Variants in PSMD1 observed in about 807,000 individuals in gnomAD.
PSMD1 encodes the protein proteasome 26S subunit, non-ATPase 1.
PSMD1 carries 18 observed loss-of-function variants against 119.0 expected under a neutral mutation model. That is an observed-to-expected ratio of 0.15 (90% confidence interval 0.10 to 0.22). PSMD1 has a LOEUF of 0.22. Among genes scored for constraint, PSMD1 ranks in the 10% least tolerant of loss-of-function variants. The pLI is 1.00. For synonymous variants in PSMD1, 374 were observed against 396.6 expected, an observed-to-expected ratio of 0.94 and a Z score of 0.68; for missense variants, 702 against 1,158.5, an observed-to-expected ratio of 0.61 and a Z score of 5.72.
chr2:231,150,403 CACATATATAG>C (rs1253343250), intron 18 of PSMD1, among the ~76,000 whole-genome samples: 1 of 150,796 alleles, frequency 6.6e-6, no homozygotes, highest in African/African-American at 2.4e-5. Context: ...GATATATATA[CACATATATAG>C]ACATATATAT....
At chr2:231,126,721 T>G (rs1695728879) in intron 16 of PSMD1, among the ~76,000 whole-genome samples, 1 of 152,114 alleles carries the variant, frequency 6.6e-6, no homozygotes, top group Non-Finnish European at 1.5e-5. Context: ...CATTCACTCA[T>G]TTTTTGCCTC....
rs1195363062 is a variant in PSMD1 at position 231,066,843 on chromosome 2, A to G, written c.305-63A>G. The G allele has an allele frequency of 3.8e-6, 5 of 1,316,876 alleles. No individual in the cohort carries two copies. In the East Asian group the frequency reaches 1.0e-4, roughly 26 times the overall value. 81.6% of individuals were successfully genotyped at this position (1,316,876 alleles called of 1,614,324 possible). A position where few individuals can be genotyped will look rare whatever the true frequency, so the allele number is the denominator to read the frequency against. Reference sequence around the variant, plus strand: ...AGTATATATGATTATAAATATAGGCATTGCCCTTTCTGATAGTTTAGCCCA... The same window carrying G: ...AGTATATATGATTATAAATATAGGCGTTGCCCTTTCTGATAGTTTAGCCCA... On this transcript the variant is annotated intron_variant, in intron 4 of 24. Coordinates refer to ENST00000308696, the MANE Select transcript of PSMD1 (RefSeq NM_002807.4).
At chr2:231,066,639 G>T (rs77427887) in intron 4 of PSMD1, among the ~76,000 whole-genome samples, 1 of 152,160 alleles carries the variant, frequency 6.6e-6, no homozygotes, top group Non-Finnish European at 1.5e-5. Flanking sequence ...TCAGCCTGCC[G>T]AGTAGCTGGG....
chr2:231,150,354 A>G lies in PSMD1; in HGVS notation c.2116-3210A>G, dbSNP rs866664710. On this transcript the variant is annotated intron_variant, in intron 18 of 24. Coordinates refer to ENST00000308696, the MANE Select transcript of PSMD1 (RefSeq NM_002807.4). ...ACAGTGAGGCTGTCTCAAGGAGGGG[A>G]AAAAAAAAAAAGTATATATGTCTAT... Among the ~76,000 whole-genome samples, 48 of 141,254 alleles carry G rather than the reference A, an allele frequency of 3.4e-4. 1 individual carries two copies. Among genetic ancestry groups the G allele is most frequent in the Admixed American group, 6.6e-4 (8 of 12,044 alleles). The allele number at this position is 141,254 out of a possible 152,430, so 92.7% of individuals were successfully genotyped here.
At chr2:231,123,893 CT>C in intron 16 of PSMD1, 1 of 735,882 alleles carries the variant, frequency 1.4e-6, no homozygotes, top group Non-Finnish European at 2.4e-6. Context: ...TGACACCTTC[CT>C]TTAAAAAAAA....
At chr2:231,106,510 C>T (rs946749235) in intron 16 of PSMD1, among the ~76,000 whole-genome samples, 2 of 151,990 alleles carry the variant, frequency 1.3e-5, no homozygotes, top group African/African-American at 2.4e-5. Context: ...GCCAGCTACT[C>T]AGGAGGCTGA....
chr2:231,151,110 G>T (rs971558790), intron 18 of PSMD1, among the ~76,000 whole-genome samples: 9 of 152,096 alleles, frequency 5.9e-5, no homozygotes. Context: ...CTTTTTTTGT[G>T]AGATTGTTGT....
In PSMD1 at chr2:231,142,557, T is replaced by C. The variant is rs149328825; in HGVS notation, c.1999-3683T>C. 5.1e-3 allele frequency among the ~76,000 whole-genome samples: 779 copies of C among 152,298 alleles called. 6 individuals are homozygous for C. The highest frequency in any genetic ancestry group is 0.017 in the African/African-American group (715 of 41,568). The stretch of plus-strand genomic sequence containing the variant: ...GAATGAAAAGTTTTTTTATTACTCA[T>C]ACTAAACAAGCCTTTATTTCTAGAT... On this transcript the variant is annotated intron_variant, in intron 17 of 24. Coordinates refer to ENST00000308696, the MANE Select transcript of PSMD1 (RefSeq NM_002807.4).
chr2:231,066,055 G>C (rs975579599), intron 4 of PSMD1, among the ~76,000 whole-genome samples: 2 of 152,198 alleles, frequency 1.3e-5, no homozygotes, highest in Non-Finnish European at 2.9e-5. Flanking sequence ...GAAGCACTAG[G>C]CCATACCATA....
intron 20 of PSMD1, chr2:231,163,262 G>A (rs1696682799): frequency 5.9e-6 from 1 of 170,510 alleles, no homozygotes; most frequent in Non-Finnish European, 1.3e-5. Flanking sequence ...TAAGTTACTA[G>A]TCTGGTACAA....
chr2:231,117,991 C>T (rs141582858), intron 16 of PSMD1, among the ~76,000 whole-genome samples: 21 of 152,058 alleles, frequency 1.4e-4, no homozygotes, highest in Non-Finnish European at 2.4e-4. Flanking sequence ...TTTGAGAAAG[C>T]GGAATAATAA....
chr2:231,065,051 C>T (rs1471779052), intron 4 of PSMD1, among the ~76,000 whole-genome samples: 2 of 149,848 alleles, frequency 1.3e-5, no homozygotes, highest in Admixed American at 6.7e-5. Flanking sequence ...TCCTCTGCTT[C>T]CTTCAAGATA....
Position 231,138,722 on chromosome 2 carries a change from C to G in PSMD1, c.1884-14C>G. 6.3e-7 allele frequency: 1 copy of G among 1,595,158 alleles called. No homozygotes were observed. Among genetic ancestry groups the G allele is most frequent in the Non-Finnish European group, 8.6e-7 (1 of 1,162,890 alleles). ...TTACCTATAACAGTGGCTTCGCTTT[C>G]TGTTTCTTATCAGAACCCCTGAACA... On this transcript the variant is annotated splice_polypyrimidine_tract_variant and intron_variant, in intron 16 of 24. Coordinates refer to ENST00000308696, the MANE Select transcript of PSMD1 (RefSeq NM_002807.4).
At chr2:231,060,085 T>C (rs1693719617) in intron 1 of PSMD1, among the ~76,000 whole-genome samples, 1 of 152,236 alleles carries the variant, frequency 6.6e-6, no homozygotes, top group Admixed American at 6.5e-5. Context: ...CTGTTCTACA[T>C]TTAAAGCATT....
At chr2:231,100,569 AG>A (rs1694841168) in intron 16 of PSMD1, among the ~76,000 whole-genome samples, 1 of 152,206 alleles carries the variant, frequency 6.6e-6, no homozygotes, top group Non-Finnish European at 1.5e-5. Flanking sequence ...GGAATGAGTT[AG>A]GGTGGAGTAG....
In PSMD1 at chr2:231,172,559, G is replaced by A. The variant is rs1033127873; in HGVS notation, c.*34G>A. On this transcript the variant is annotated 3_prime_UTR_variant, in exon 25 of 25. Coordinates refer to ENST00000308696, the MANE Select transcript of PSMD1 (RefSeq NM_002807.4). ...GGATCTCACTTGCTTATCTGAAGAAGATTGTCCAGGCTCATATTGGGAATG... is the reference window on the plus strand; with the variant it reads ...GGATCTCACTTGCTTATCTGAAGAAAATTGTCCAGGCTCATATTGGGAATG... 1 of 152,224 alleles carries A rather than the reference G, an allele frequency of 6.6e-6. No individual in the cohort carries two copies. Among genetic ancestry groups the A allele is most frequent in the Admixed American group, 6.5e-5 (1 of 15,284 alleles). 9.4% of individuals were successfully genotyped at this position (152,224 alleles called of 1,614,324 possible).
rs200942453 is a variant in PSMD1, at chr2:231,139,124, G to GT, written c.1998+282dup. The GT allele has an allele frequency of 3.5e-3, 1,539 of 441,824 alleles. 19 individuals carry two copies. The highest frequency in any genetic ancestry group is 0.026 in the African/African-American group (1,292 of 49,584). 27.4% of individuals were successfully genotyped at this position (441,824 alleles called of 1,614,324 possible). A position where few individuals can be genotyped will look rare whatever the true frequency, so the allele number is the denominator to read the frequency against. On this transcript the variant is annotated intron_variant, in intron 17 of 24. Transcript: ENST00000308696. ...ATTGATTTCTGGGTTTTTTGTTTTT[G>GT]TTTTTTTTGTTTGTTTATTTGTTTT... is the stretch of plus-strand genomic sequence containing the variant.
intron 2 of PSMD1, 79 bp downstream of exon 2, chr2:231,061,389 C>T: frequency 1.6e-6 from 2 of 1,223,896 alleles, no homozygotes; most frequent in South Asian, 2.8e-5. Context: ...CTGTAATCTT[C>T]CATCATTTAA....
At position 231,165,306 on chromosome 2, in the gene PSMD1, C is replaced by A; in HGVS notation, c.2568+20C>A. ...GAAGTGGTAGGTATAAATTGGTGGT[C>A]ATATGGATTGAAGTATCTCTGTCTC... is the stretch of plus-strand genomic sequence containing the variant. On this transcript the variant is annotated intron_variant, in intron 22 of 24. Transcript: ENST00000308696. The A allele has an allele frequency of 2.5e-6, 4 of 1,573,624 alleles. No individual in the cohort carries two copies. In the South Asian group the frequency reaches 4.6e-5, roughly 18 times the overall value.
Sources: gnomAD v4.1 joint callset for allele counts (sites outside exome capture counted in the v4.1 genomes callset) on GRCh38, gnomAD v4.1.1 for gene constraint, MANE v1.5 for transcripts, NCBI Gene and HGNC (gene_info 2026-07-23, HGNC 2026-07-21) for gene names.